Variants in SNTG1 observed in about 807,000 individuals in gnomAD.
SNTG1 encodes the protein syntrophin gamma 1.
SNTG1 carries 39 observed loss-of-function variants against 74.7 expected under a neutral mutation model. That is an observed-to-expected ratio of 0.52 (90% CI 0.40 to 0.68). SNTG1 has a LOEUF of 0.68. SNTG1 is among the 30% of genes least tolerant of loss of function. SNTG1 has a pLI of 0.00. For synonymous variants in SNTG1, 254 were observed against 217.1 expected, an observed-to-expected ratio of 1.17 and a Z score of -1.49; for missense variants, 685 against 609.5, an observed-to-expected ratio of 1.12 and a Z score of -1.30.
intron 15 of SNTG1, among the ~76,000 whole-genome samples, chr8:50,668,594 C>T (rs991630201): frequency 3.3e-5 from 5 of 151,346 alleles, no homozygotes; most frequent in African/African-American, 9.7e-5. Flanking sequence ...CCTAGGTATA[C>T]GTGTACCATG....
chr8:50,591,711 C>A (rs1357936980), intron 13 of SNTG1, among the ~76,000 whole-genome samples: 1 of 152,180 alleles, frequency 6.6e-6, no homozygotes, highest in Non-Finnish European at 1.5e-5. Context: ...ATGCTGCTAG[C>A]CCAAATCAGC....
chr8:50,742,207 C>T (rs1465507969), intron 17 of SNTG1, among the ~76,000 whole-genome samples: 1 of 151,892 alleles, frequency 6.6e-6, no homozygotes, highest in African/African-American at 2.4e-5. Flanking sequence ...TATATTCAAC[C>T]ACAGTTGAAT....
intron 1 of SNTG1, among the ~76,000 whole-genome samples, chr8:50,036,581 G>A (rs748996456): frequency 3.1e-4 from 47 of 152,158 alleles, no homozygotes; most frequent in Non-Finnish European, 6.5e-4. Flanking sequence ...CCTCCTGATG[G>A]ACAGGCAGAA....
At chr8:50,582,536 G>T (rs1480074122) in intron 12 of SNTG1, among the ~76,000 whole-genome samples, 1 of 151,978 alleles carries the variant, frequency 6.6e-6, no homozygotes, top group Non-Finnish European at 1.5e-5. Flanking sequence ...GTGTGTATGG[G>T]TGTGTGGGTG....
chr8:50,527,550 CAT>C (rs1251745777), intron 9 of SNTG1, among the ~76,000 whole-genome samples: 2 of 151,862 alleles, frequency 1.3e-5, no homozygotes, highest in East Asian at 1.9e-4. Context: ...TTTGATCATA[CAT>C]GTTTGGATTT....
At chr8:50,386,668 G>A (rs1422828197) in intron 2 of SNTG1, among the ~76,000 whole-genome samples, 1 of 152,116 alleles carries the variant, frequency 6.6e-6, no homozygotes, top group Non-Finnish European at 1.5e-5. Flanking sequence ...TTTAGTCACA[G>A]CAGATGGAAG....
At chr8:50,300,851 A>T (rs1327553303) in intron 2 of SNTG1, among the ~76,000 whole-genome samples, 4 of 152,130 alleles carry the variant, frequency 2.6e-5, no homozygotes, top group Admixed American at 6.6e-5. Context: ...TAGACTTTTC[A>T]GTTGACGTTT....
At chr8:50,781,336 T>C (rs2095658777) in intron 18 of SNTG1, among the ~76,000 whole-genome samples, 1 of 152,104 alleles carries the variant, frequency 6.6e-6, no homozygotes, top group Non-Finnish European at 1.5e-5. Context: ...TGTGTGGGAG[T>C]CTAAGTCTCT....
At chr8:50,328,086 A>T (rs962487399) in intron 2 of SNTG1, among the ~76,000 whole-genome samples, 21 of 152,204 alleles carry the variant, frequency 1.4e-4, no homozygotes, top group African/African-American at 4.8e-4. Context: ...ATAATAATAA[A>T]AATAAAAGTT....
At chr8:50,259,821 T>C (rs2087091702) in intron 2 of SNTG1, among the ~76,000 whole-genome samples, 1 of 152,064 alleles carries the variant, frequency 6.6e-6, no homozygotes, top group Non-Finnish European at 1.5e-5. Flanking sequence ...AGCAGGAAGG[T>C]AAATGCAGAT....
rs577093289 is a variant in SNTG1 at position 49,913,645 on chromosome 8, A to G, written c.-103+1414A>G. ...TATCTGAGGAGGAGAAACATGTATT[A>G]TTGATTTGGATTCCTTCCCAGAAAA... On this transcript the variant is annotated intron_variant, in intron 1 of 18. Transcript: ENST00000642720. 9.8e-5 allele frequency among the ~76,000 whole-genome samples: 15 copies of G among 152,302 alleles called. No homozygotes were observed. The South Asian group carries it at 3.1e-3, about 32-fold the overall frequency.
At chr8:50,474,795 T>C (rs1294290591) in intron 8 of SNTG1, among the ~76,000 whole-genome samples, 7 of 151,992 alleles carry the variant, frequency 4.6e-5, no homozygotes, top group Admixed American at 3.3e-4. Context: ...TATTGTGGCA[T>C]TATTCACAAT....
At chr8:50,177,702 A>T (rs1170416233) in intron 2 of SNTG1, among the ~76,000 whole-genome samples, 1 of 152,172 alleles carries the variant, frequency 6.6e-6, no homozygotes, top group Non-Finnish European at 1.5e-5. Context: ...CCCCACACTT[A>T]ATTGAACGCT....
chr8:50,776,325 C>T (rs2131807740), intron 18 of SNTG1, among the ~76,000 whole-genome samples: 1 of 149,736 alleles, frequency 6.7e-6, no homozygotes, highest in South Asian at 2.1e-4. Flanking sequence ...GTGAAATCAA[C>T]ATCTTATCAG....
intron 13 of SNTG1, among the ~76,000 whole-genome samples, chr8:50,606,290 G>A (rs901517287): frequency 6.6e-6 from 1 of 152,042 alleles, no homozygotes; most frequent in African/African-American, 2.4e-5. Context: ...GATCCATGAA[G>A]ATAGGTTAGC....
chr8:50,497,686 A>C (rs1220020068), intron 8 of SNTG1, among the ~76,000 whole-genome samples: 1 of 151,964 alleles, frequency 6.6e-6, no homozygotes, highest in Non-Finnish European at 1.5e-5. Context: ...TAGAATACCC[A>C]CCAACACAAT....
Position 50,123,888 on chromosome 8 carries a change from G to A in SNTG1, c.-102-48673G>A, listed in dbSNP as rs529934787. Reference sequence around the variant, plus strand: ...TAAGTAGCAGGGCTTGGAGTCAAACGTAGACATCCCATTTCCCAAGGTGAC... The same window carrying A: ...TAAGTAGCAGGGCTTGGAGTCAAACATAGACATCCCATTTCCCAAGGTGAC... On this transcript the variant is annotated intron_variant, in intron 1 of 18. Coordinates refer to ENST00000642720, the MANE Select transcript of SNTG1 (RefSeq NM_018967.5). Among the ~76,000 whole-genome samples, 196 of 142,406 alleles carry A rather than the reference G, an allele frequency of 1.4e-3. 18 individuals are homozygous for A. The highest frequency in any genetic ancestry group is 4.6e-3 in the African/African-American group (183 of 39,452). The allele number at this position is 142,406 out of a possible 152,430, so 93.4% of individuals were successfully genotyped here.
chr8:50,357,660 G>A (rs894595798), intron 2 of SNTG1, among the ~76,000 whole-genome samples: 7 of 152,144 alleles, frequency 4.6e-5, no homozygotes, highest in African/African-American at 1.4e-4. Context: ...GATTATCCTT[G>A]TCAGCACATT....
At chr8:50,017,890 TG>T (rs1162239896) in intron 1 of SNTG1, among the ~76,000 whole-genome samples, 1 of 151,916 alleles carries the variant, frequency 6.6e-6, no homozygotes, top group Non-Finnish European at 1.5e-5. Context: ...ACAGAAGACT[TG>T]AACAACACTA....
Sources: allele counts gnomAD v4.1 joint callset (sites outside exome capture counted in the v4.1 genomes callset), GRCh38; gene constraint gnomAD v4.1.1; transcripts MANE v1.5; gene names NCBI Gene and HGNC (gene_info 2026-07-23, HGNC 2026-07-21).